Variants in WDR72 observed in about 807,000 individuals in gnomAD.
WDR72 encodes WD repeat-containing protein 72.
In WDR72, 120 loss-of-function variants were observed where a neutral mutation model predicts 124.2. The observed-to-expected ratio is 0.97, with a 90% confidence interval of 0.83 to 1.12. The LOEUF (loss-of-function observed/expected upper bound fraction) is 1.12. Among genes scored for constraint, WDR72 ranks in the 50% most tolerant of loss-of-function variants. The probability of loss-of-function intolerance (pLI) is 0.00; values close to 1 mark genes in which losing one functional copy is unlikely to be tolerated. For missense variants in WDR72, 1,387 were observed against 1,278.8 expected, an observed-to-expected ratio of 1.08 and a Z score of -1.29; for synonymous variants, 452 against 441.7, an observed-to-expected ratio of 1.02 and a Z score of -0.29.
chr15:53,740,670 A>G (rs1330550181), intron 1 of WDR72, among the ~76,000 whole-genome samples: 1 of 152,220 alleles, frequency 6.6e-6, no homozygotes. Context: ...ATTCCCTACA[A>G]TGCCTGAAGA....
chr15:53,591,824 C>T (rs1290130894), intron 18 of WDR72, among the ~76,000 whole-genome samples: 3 of 151,948 alleles, frequency 2.0e-5, no homozygotes, highest in East Asian at 1.9e-4. Flanking sequence ...CTTTAAACCA[C>T]GGTTTCTTGA....
chr15:53,547,279 T>A (rs1893519010), intron 18 of WDR72, among the ~76,000 whole-genome samples: 1 of 152,208 alleles, frequency 6.6e-6, no homozygotes, highest in Non-Finnish European at 1.5e-5. Context: ...ATTACAGGCA[T>A]GTGCCACCAC....
At chr15:53,585,584 T>A (rs1440400061) in intron 18 of WDR72, among the ~76,000 whole-genome samples, 3 of 152,034 alleles carry the variant, frequency 2.0e-5, no homozygotes, top group Admixed American at 6.6e-5. Flanking sequence ...TGTTAATTTG[T>A]CTACCGTCTG....
chr15:53,726,080 A>T (rs1353851598), intron 2 of WDR72, among the ~76,000 whole-genome samples: 2 of 151,446 alleles, frequency 1.3e-5, no homozygotes, highest in Non-Finnish European at 2.9e-5. Context: ...TCAAGAAAAA[A>T]AAAAAGATAC....
intron 13 of WDR72, among the ~76,000 whole-genome samples, chr15:53,676,373 T>C (rs553784961): frequency 3.1e-4 from 47 of 152,382 alleles, no homozygotes; most frequent in Middle Eastern, 6.8e-3. Context: ...AAGCAGATTA[T>C]TCAAATAGAC....
chr15:53,592,274 A>C (rs1163362424), intron 18 of WDR72, among the ~76,000 whole-genome samples: 1 of 152,040 alleles, frequency 6.6e-6, no homozygotes, highest in Non-Finnish European at 1.5e-5. Context: ...GTGGCCATAA[A>C]GAAGAACTCA....
chr15:53,737,368 G>C (rs1272004254), intron 1 of WDR72, among the ~76,000 whole-genome samples: 1 of 152,062 alleles, frequency 6.6e-6, no homozygotes, highest in Non-Finnish European at 1.5e-5. Flanking sequence ...GATTAAACTT[G>C]CTAGTTAAAA....
chr15:53,702,336 A>C lies in WDR72; in HGVS notation c.1367T>G (p.Val456Gly). Residue 456 changes from valine (V) to glycine (G), a missense_variant, in exon 12 of 20, where the codon GTT becomes GGT. Transcript: ENST00000360509. ...SLVKDSPPHK[V>G]LKGHHQSVTS... is the part of the protein sequence containing the mutation. ...GACACTTTGGTGGTGGCCTTTAAGAACTTTATGAGGGGGAGAATCTGAAAA... is the reference window on the plus strand; with the variant it reads ...GACACTTTGGTGGTGGCCTTTAAGACCTTTATGAGGGGGAGAATCTGAAAA... 1 of 1,613,610 alleles carries C rather than the reference A, an allele frequency of 6.2e-7. No individual in the cohort carries two copies. Among genetic ancestry groups the C allele is most frequent in the African/African-American group, 1.3e-5 (1 of 75,050 alleles).
chr15:53,746,201 G>A (rs1340382006), intron 1 of WDR72, among the ~76,000 whole-genome samples: 2 of 152,054 alleles, frequency 1.3e-5, no homozygotes, highest in Non-Finnish European at 2.9e-5. Flanking sequence ...CTTCTTCCCC[G>A]TAACAATTTG....
At chr15:53,671,250 C>A (rs79602505) in intron 13 of WDR72, among the ~76,000 whole-genome samples, 9,159 of 152,182 alleles carry the variant, frequency 0.06, 445 homozygotes, top group East Asian at 0.18. Context: ...ATTAGATTTT[C>A]TTTTTCTTTT....
chr15:53,720,684 T>C (rs1340759408), intron 3 of WDR72, among the ~76,000 whole-genome samples: 1 of 152,318 alleles, frequency 6.6e-6, no homozygotes, highest in African/African-American at 2.4e-5. Flanking sequence ...GTCAGCTCTC[T>C]GCTTAATTAA....
chr15:53,728,674 G>A (rs567057182), intron 2 of WDR72, among the ~76,000 whole-genome samples: 2 of 152,222 alleles, frequency 1.3e-5, no homozygotes, highest in South Asian at 4.1e-4. Context: ...GAATCTATCT[G>A]ACAGGATATT....
At chr15:53,554,331 A>G (rs934219487) in intron 18 of WDR72, among the ~76,000 whole-genome samples, 3 of 149,208 alleles carry the variant, frequency 2.0e-5, no homozygotes, top group African/African-American at 4.9e-5. Flanking sequence ...CATAAATTGG[A>G]AAAAAAAAAC....
At position 53,597,105 on chromosome 15, in the gene WDR72, C is replaced by T. The variant is rs1566976134; in HGVS notation, c.3122G>A (p.Cys1041Tyr). Residue 1041 changes from cysteine to tyrosine, a missense_variant, in exon 18 of 20, where the codon TGT becomes TAT. By Grantham distance (194) the Cys-to-Tyr change is radical. Transcript: ENST00000360509. ...TTGCAGAGGCAAAGTGTTTCTAACACACTGTAACTCTAGTTCTTCTGTCCA... is the reference window on the plus strand; with the variant it reads ...TTGCAGAGGCAAAGTGTTTCTAACATACTGTAACTCTAGTTCTTCTGTCCA... Reference protein sequence around the residue: ...LEWTEELELQCVRNTLPLQTP... With the variant: ...LEWTEELELQYVRNTLPLQTP... The T allele has an allele frequency of 2.5e-6, 4 of 1,613,798 alleles. No homozygotes were observed. Among genetic ancestry groups the T allele is most frequent in the Non-Finnish European group, 2.5e-6 (3 of 1,179,846 alleles).
Position 53,554,077 on chromosome 15 carries a change from G to T in WDR72, c.3149-30755C>A, listed in dbSNP as rs538013344. Among the ~76,000 whole-genome samples the T allele has an allele frequency of 5.5e-4, 83 of 152,048 alleles. 1 individual carries two copies. In the South Asian group the frequency reaches 0.016, roughly 30 times the overall value. The stretch of plus-strand genomic sequence containing the variant: ...ATGTATAGTGCCTTTGTGTTTACTT[G>T]GTATTCTTTTCAATAAAAGATTTCA... On this transcript the variant is annotated intron_variant, in intron 18 of 19. Transcript: ENST00000360509.
At chr15:53,706,657 T>A (rs946306514) in intron 9 of WDR72, among the ~76,000 whole-genome samples, 50 of 151,818 alleles carry the variant, frequency 3.3e-4, no homozygotes, top group African/African-American at 1.2e-3. Context: ...TAGTTCTAAT[T>A]GTCAGTTAAA....
chr15:53,699,748 A>G lies in WDR72; in HGVS notation c.1765+2T>C. The G allele has an allele frequency of 6.2e-7, 1 of 1,613,888 alleles. No homozygotes were observed. The highest frequency in any genetic ancestry group is 8.5e-7 in the Non-Finnish European group (1 of 1,179,762). ...AATGAAAGGGATAAAATTTCAACTT[A>G]CCTGTTTCAATTTCCCAGATATAAA... On this transcript the variant is annotated splice_donor_variant, in intron 13 of 19. Transcript: ENST00000360509. LOFTEE classifies it high-confidence loss of function.
chr15:53,757,655 T>TAA (rs34907572), intron 1 of WDR72, among the ~76,000 whole-genome samples: 5 of 133,476 alleles, frequency 3.7e-5, no homozygotes, highest in Non-Finnish European at 6.7e-5. Flanking sequence ...AATTAAAAAT[T>TAA]AAAAAAAAGA....
At position 53,745,034 on chromosome 15, in the gene WDR72, T is replaced by TAAAAA. The variant is rs35297294; in HGVS notation, c.-12-11878_-12-11874dup. On this transcript the variant is annotated intron_variant, in intron 1 of 19. Coordinates refer to ENST00000360509, the MANE Select transcript of WDR72 (RefSeq NM_182758.4). ...TTTTAATTCAAACTATACTTTATTG[T>TAAAAA]AAAAAAAAAAAAAGGGCAAGAAAAT... 2.5e-3 allele frequency among the ~76,000 whole-genome samples: 368 copies of TAAAAA among 144,676 alleles called. 3 individuals carry two copies. The highest frequency in any genetic ancestry group is 3.8e-3 in the Non-Finnish European group (254 of 66,224). 94.9% of individuals were successfully genotyped at this position (144,676 alleles called of 152,430 possible).
Sources: gnomAD v4.1 joint callset for allele counts (sites outside exome capture counted in the v4.1 genomes callset) on GRCh38, gnomAD v4.1.1 for gene constraint, MANE v1.5 for transcripts, NCBI Gene and HGNC (gene_info 2026-07-23, HGNC 2026-07-21) for gene names.